CARD14: variants seen among roughly 807,000 people sequenced by gnomAD.
The protein encoded by CARD14 is caspase recruitment domain-containing protein 14.
A neutral mutation model predicts 111.5 loss-of-function variants in CARD14; 107 were observed. The ratio of observed to expected loss-of-function variants is 0.96; its 90% CI spans 0.82 to 1.13. CARD14 has a LOEUF of 1.13. Among genes scored for constraint, CARD14 ranks in the 50% most tolerant of loss-of-function variants. The pLI is 0.00. For missense variants in CARD14, 1,322 were observed against 1,362.3 expected, an observed-to-expected ratio of 0.97 and a Z score of 0.47; for synonymous variants, 617 against 579.6, an observed-to-expected ratio of 1.06 and a Z score of -0.93.
In CARD14 at chr17:80,198,945, CTT is replaced by C; in HGVS notation, c.1851+362_1851+363del. The C allele has an allele frequency of 8.9e-7, 1 of 1,123,242 alleles. No individual in the cohort carries two copies. The highest frequency in any genetic ancestry group is 4.6e-5 in the Admixed American group (1 of 21,820). The allele number at this position is 1,123,242 out of a possible 1,614,324, so 69.6% of individuals were successfully genotyped here. ...AACCACTGGGGCATTTCTTTTCTTT[CTT>C]TTTTTTTGTTTGTTGTTTTGAAACA... is the stretch of plus-strand genomic sequence containing the variant. On this transcript the variant is annotated intron_variant, in intron 16 of 23. Coordinates refer to ENST00000648509, the MANE Select transcript of CARD14 (RefSeq NM_001366385.1). The surrounding 1 kb of genome is among the most constrained non-coding windows in gnomAD (Gnocchi z 7.5).
At chr17:80,187,822 G>A in intron 7 of CARD14, 3 of 985,468 alleles carry the variant, frequency 3.0e-6, no homozygotes, top group Non-Finnish European at 3.6e-6. Flanking sequence ...GAGGCCAGCA[G>A]GACCTGGTGG....
At chr17:80,200,206 C>T (rs62074381) in intron 16 of CARD14, among the ~76,000 whole-genome samples, 12,715 of 149,228 alleles carry the variant, frequency 0.085, 727 homozygotes, top group Middle Eastern at 0.15. Flanking sequence ...CCACATGACC[C>T]GGGAAGCCTT....
intron 14 of CARD14, chr17:80,196,674 C>T (rs1316665360): frequency 6.6e-6 from 1 of 152,254 alleles, no homozygotes; most frequent in African/African-American, 2.4e-5. Flanking sequence ...AGGCTGCTCC[C>T]TGGTTCGGGG....
chr17:80,207,731 C>A, intron 23 of CARD14: 1 of 196,518 alleles, frequency 5.1e-6, no homozygotes. Flanking sequence ...TGTAAATTAA[C>A]AAATTGGCAC....
chr17:80,198,399 CGGCGTCCTCATGCGGCGGA>C lies in CARD14; in HGVS notation c.1663_1681del (p.Val555GlnfsTer6). The C allele has an allele frequency of 1.3e-6, 2 of 1,597,498 alleles. No individual in the cohort carries two copies. Among genetic ancestry groups the C allele is most frequent in the Admixed American group, 1.7e-5 (1 of 59,390 alleles). ...AAGCCGGTCGTCTCCCGGCCTGCAG[CGGCGTCCTCATGCGGCGGA>C]GGCCAGCCCGCAGGATCCTGAGCCA... On this transcript the variant is annotated frameshift_variant and splice_region_variant, in exon 16 of 24. Coordinates refer to ENST00000648509, the MANE Select transcript of CARD14 (RefSeq NM_001366385.1). LOFTEE classifies it high-confidence loss of function. This position sits in a 1 kb window ranked among gnomAD's most constrained non-coding sequence, Gnocchi z 7.5.
At position 80,203,601 on chromosome 17, in the gene CARD14, CA is replaced by C. The variant is rs1335585595; in HGVS notation, c.2220-220del. On this transcript the variant is annotated intron_variant, in intron 18 of 23. Coordinates refer to ENST00000648509, the MANE Select transcript of CARD14 (RefSeq NM_001366385.1). The surrounding 1 kb of genome is among the most constrained non-coding windows in gnomAD (Gnocchi z 4.6). ...CCCAGGACAAGTAAATCAGCATCTCCAGGGGTGGGCCGAGGCCCTGGAGTCT... is the reference window on the plus strand; with the variant it reads ...CCCAGGACAAGTAAATCAGCATCTCCGGGGTGGGCCGAGGCCCTGGAGTCT... 1.8e-5 allele frequency: 9 copies of C among 495,104 alleles called. No individual in the cohort carries two copies. Among genetic ancestry groups the C allele is most frequent in the Non-Finnish European group, 3.2e-5 (9 of 280,312 alleles). 30.7% of individuals were successfully genotyped at this position (495,104 alleles called of 1,614,324 possible).
Position 80,188,609 on chromosome 17 carries a change from G to C in CARD14, c.843+65G>C. 6 of 1,375,032 alleles carry C rather than the reference G, an allele frequency of 4.4e-6. No homozygotes were observed. Among genetic ancestry groups the C allele is most frequent in the Non-Finnish European group, 5.7e-6 (6 of 1,057,166 alleles). The allele number at this position is 1,375,032 out of a possible 1,614,324, so 85.2% of individuals were successfully genotyped here. A position where few individuals can be genotyped will look rare whatever the true frequency, so the allele number is the denominator to read the frequency against. ...TTGGGGGCTTGGCCCTCAGGCTGTGGGGTTTCTGACAGGTGGTTTAGTTAA... is the reference window on the plus strand; with the variant it reads ...TTGGGGGCTTGGCCCTCAGGCTGTGCGGTTTCTGACAGGTGGTTTAGTTAA... On this transcript the variant is annotated intron_variant, in intron 8 of 23. Coordinates refer to ENST00000648509, the MANE Select transcript of CARD14 (RefSeq NM_001366385.1). The surrounding 1 kb of genome is among the most constrained non-coding windows in gnomAD (Gnocchi z 4.5).
At chr17:80,173,830 C>T (rs190887265) in intron 2 of CARD14, among the ~76,000 whole-genome samples, 3 of 152,262 alleles carry the variant, frequency 2.0e-5, no homozygotes, top group African/African-American at 7.2e-5. Flanking sequence ...AACTCCTGAC[C>T]TTATGATCTG....
intron 9 of CARD14, among the ~76,000 whole-genome samples, 177 bp from the exon 10 acceptor site, chr17:80,190,597 A>G (rs1173347432): frequency 6.6e-6 from 1 of 150,500 alleles, no homozygotes; most frequent in East Asian, 1.9e-4. Context: ...TTGGCATCGC[A>G]GCGAGTCTCT....
chr17:80,193,678 C>T (rs910286105), intron 12 of CARD14, among the ~76,000 whole-genome samples: 2 of 152,274 alleles, frequency 1.3e-5, no homozygotes, highest in South Asian at 2.1e-4. Context: ...ATCAGTGGCC[C>T]AAGAGCAGCA....
chr17:80,188,464 A>AGCG lies in CARD14; in HGVS notation c.764_766dup (p.Ser255_Asp256insGly). Reference sequence around the variant, plus strand: ...GCAAGAGCAGTCCCTGAGGACAGCCAGCGACCAGGAGTCCGGGGATGAGGA... The same window carrying AGCG: ...GCAAGAGCAGTCCCTGAGGACAGCCAGCGGCGACCAGGAGTCCGGGGATGAGGA... On this transcript the variant is annotated inframe_insertion, in exon 8 of 24. Transcript: ENST00000648509. The surrounding 1 kb of genome is among the most constrained non-coding windows in gnomAD (Gnocchi z 4.5). The AGCG allele has an allele frequency of 6.2e-7, 1 of 1,600,170 alleles. No individual in the cohort carries two copies. The highest frequency in any genetic ancestry group is 8.5e-7 in the Non-Finnish European group (1 of 1,174,270).
Position 80,190,856 on chromosome 17 carries a change from C to A in CARD14, c.1046C>A (p.Ala349Glu). The A allele has an allele frequency of 6.2e-7, 1 of 1,614,022 alleles. No individual in the cohort carries two copies. The highest frequency in any genetic ancestry group is 8.5e-7 in the Non-Finnish European group (1 of 1,180,012). The change falls in exon 10 of 24, where the codon GCG (alanine) becomes GAG (glutamate). Residue 349 changes from alanine (A) to glutamate (E), a missense_variant. Coordinates refer to ENST00000648509, the MANE Select transcript of CARD14 (RefSeq NM_001366385.1). ...CAACTCTACAGGGAGAAGGTGAATG[C>A]GCTGCAGGCCCAGGTGTGCGAGCTG... Reference protein sequence around the residue: ...ACQLYREKVNALQAQVCELQK... With the variant: ...ACQLYREKVNELQAQVCELQK...
intron 4 of CARD14, among the ~76,000 whole-genome samples, chr17:80,180,731 C>T (rs1236743083): frequency 1.3e-5 from 2 of 150,570 alleles, no homozygotes; most frequent in African/African-American, 4.9e-5. Context: ...AAGTGCAGCA[C>T]CCCTACTGTT....
At chr17:80,177,377 C>T (rs1272693846) in intron 2 of CARD14, among the ~76,000 whole-genome samples, 1 of 152,120 alleles carries the variant, frequency 6.6e-6, no homozygotes, top group Non-Finnish European at 1.5e-5. Context: ...CAGGTGTGCA[C>T]CACAACACCT....
chr17:80,199,304 A>G (rs1223772666), intron 16 of CARD14, among the ~76,000 whole-genome samples: 1 of 151,938 alleles, frequency 6.6e-6, no homozygotes, highest in African/African-American at 2.4e-5. Context: ...CCTGGCCAAC[A>G]CGGCGAAACC....
At position 80,198,632 on chromosome 17, in the gene CARD14, T is replaced by C. The variant is rs1285076390; in HGVS notation, c.1851+41T>C. ...CCCCTCCTGTCCCCCGGGCTCCTCATGGGGACAGTGGCAGCGGGTGGGGTG... is the reference window on the plus strand; with the variant it reads ...CCCCTCCTGTCCCCCGGGCTCCTCACGGGGACAGTGGCAGCGGGTGGGGTG... On this transcript the variant is annotated intron_variant, in intron 16 of 23. Transcript: ENST00000648509. This position sits in a 1 kb window ranked among gnomAD's most constrained non-coding sequence, Gnocchi z 7.5. 1 of 1,609,858 alleles carries C rather than the reference T, an allele frequency of 6.2e-7. No individual in the cohort carries two copies. The highest frequency in any genetic ancestry group is 1.3e-5 in the African/African-American group (1 of 74,922).
At chr17:80,173,338 G>C in intron 2 of CARD14, 110 bp downstream of exon 2, 2 of 151,258 alleles carry the variant, frequency 1.3e-5, no homozygotes, top group East Asian at 3.9e-4. Flanking sequence ...GCGCGCGCGC[G>C]CGCGGAATGA....
At position 80,184,831 on chromosome 17, in the gene CARD14, C is replaced by T. The variant is rs572593478; in HGVS notation, c.675+593C>T. 4.5e-4 allele frequency among the ~76,000 whole-genome samples: 63 copies of T among 141,186 alleles called. 1 individual carries two copies. Among genetic ancestry groups the T allele is most frequent in the Middle Eastern group, 3.6e-3 (1 of 274 alleles). 92.6% of individuals were successfully genotyped at this position (141,186 alleles called of 152,430 possible). ...CTTCTCAGCTGGTCCTGGACTCAGG[C>T]GGGATAGTTGGTCTCTGTCGTCCTC... On this transcript the variant is annotated intron_variant, in intron 7 of 23. Coordinates refer to ENST00000648509, the MANE Select transcript of CARD14 (RefSeq NM_001366385.1).
chr17:80,172,658 A>G (rs939713050), intron 1 of CARD14, among the ~76,000 whole-genome samples: 4 of 152,056 alleles, frequency 2.6e-5, no homozygotes, highest in Admixed American at 2.0e-4. Flanking sequence ...CCGAGTCTGT[A>G]TTGAGAGAGA....
Sources: gnomAD v4.1 joint callset for allele counts (sites outside exome capture counted in the v4.1 genomes callset) on GRCh38, gnomAD v4.1.1 for gene constraint, Gnocchi (gnomAD v3.1) non-coding constraint, MANE v1.5 for transcripts, NCBI Gene and HGNC (gene_info 2026-07-23, HGNC 2026-07-21) for gene names.